The following NCOA2 variants were observed in gnomAD, a reference collection of about 807,000 sequenced individuals.
NCOA2 encodes class E basic helix-loop-helix protein 75.
In NCOA2, 21 loss-of-function variants were observed where a neutral mutation model predicts 145.1. That is an observed-to-expected ratio of 0.14 (90% CI 0.10 to 0.21). The LOEUF is 0.21. NCOA2 is among the 10% of genes least tolerant of loss of function. The pLI is 1.00. For missense variants in NCOA2, 1,472 were observed against 1,837.6 expected (o/e 0.80, Z 3.64); for synonymous variants, 619 against 637.5 (o/e 0.97, Z 0.44).
the NCOA2 span, among the ~76,000 whole-genome samples, chr8:70,428,077 G>GA: frequency 6.6e-5 from 10 of 151,596 alleles, no homozygotes; most frequent in East Asian, 7.7e-4. Context: ...TACAAATAAG[G>GA]AAAAAAAATT....
intron 1 of NCOA2, among the ~76,000 whole-genome samples, chr8:70,361,944 T>C (rs1248266332): frequency 6.6e-6 from 1 of 152,200 alleles, no homozygotes; most frequent in South Asian, 2.1e-4. Flanking sequence ...CAGGAACATA[T>C]CTAGTTTTGA....
intron 1 of NCOA2, among the ~76,000 whole-genome samples, chr8:70,334,899 G>A (rs746024736): frequency 5.0e-4 from 76 of 151,912 alleles, no homozygotes; most frequent in Non-Finnish European, 8.5e-4. Flanking sequence ...CCGAGGTGGC[G>A]GATCACCTGA....
intron 1 of NCOA2, among the ~76,000 whole-genome samples, chr8:70,313,118 A>T (rs1400741541): frequency 2.6e-5 from 4 of 152,252 alleles, no homozygotes; most frequent in African/African-American, 7.2e-5. Flanking sequence ...CACTGAGCCC[A>T]TTAACCTACT....
intron 1 of NCOA2, among the ~76,000 whole-genome samples, chr8:70,300,895 A>T (rs1048664566): frequency 2.6e-5 from 4 of 152,162 alleles, no homozygotes; most frequent in African/African-American, 4.8e-5. Context: ...TACCTAATTT[A>T]ACCTTCATAA....
intron 13 of NCOA2, 38 bp from the exon 14 acceptor site, chr8:70,141,437 C>G (rs571750006): frequency 5.1e-6 from 8 of 1,556,626 alleles, no homozygotes; most frequent in Non-Finnish European, 7.1e-6. Flanking sequence ...GATGCAGTAA[C>G]TGAAAACATA....
At chr8:70,148,181 C>A (rs1230189751) in intron 12 of NCOA2, 92 bp downstream of exon 12, 3 of 1,291,250 alleles carry the variant, frequency 2.3e-6, no homozygotes, top group Non-Finnish European at 2.2e-6. Flanking sequence ...CTTAAAGTGA[C>A]TAAGCTGGTT....
At chr8:70,380,388 C>T (rs1364670278) in intron 1 of NCOA2, among the ~76,000 whole-genome samples, 1 of 152,150 alleles carries the variant, frequency 6.6e-6, no homozygotes, top group East Asian at 1.9e-4. Flanking sequence ...CAGTGCCACA[C>T]TCACTCACTC....
At chr8:70,207,862 C>CAA (rs754670876) in intron 4 of NCOA2, among the ~76,000 whole-genome samples, 1,003 of 35,538 alleles carry the variant, frequency 0.028, 35 homozygotes, top group Non-Finnish European at 0.034. Context: ...GACTCCACCT[C>CAA]AAAAAAAAAA....
rs1814101552 is a variant in NCOA2 at position 70,170,268 on chromosome 8, C to T, written c.475G>A (p.Val159Ile). ...TCCCCAACATGCAAGATGCTATATA[C>T]ACTTTTGTTCATCAGCTCTTCTTGG... ...YNQEELMNKS[V>I]YSILHVGDHT... The change falls in exon 6 of 23, where the codon GTA (valine) becomes ATA (isoleucine). Residue 159 changes from valine (V) to isoleucine (I), a missense_variant. Around this residue, in one of 4 missense-constraint regions of NCOA2, gnomAD observed 284 missense variants for 467.8 expected, o/e 0.61. Coordinates refer to ENST00000452400, the MANE Select transcript of NCOA2 (RefSeq NM_006540.4). 8 of 1,613,016 alleles carry T rather than the reference C, an allele frequency of 5.0e-6. No individual in the cohort carries two copies. Among genetic ancestry groups the T allele is most frequent in the Admixed American group, 1.7e-5 (1 of 59,880 alleles).
chr8:70,360,011 A>T (rs1810064027), intron 1 of NCOA2, among the ~76,000 whole-genome samples: 1 of 152,216 alleles, frequency 6.6e-6, no homozygotes, highest in South Asian at 2.1e-4. Context: ...CTTAGGAAAG[A>T]GAAACAGATA....
At chr8:70,275,051 A>G (rs545563644) in intron 2 of NCOA2, among the ~76,000 whole-genome samples, 2 of 152,296 alleles carry the variant, frequency 1.3e-5, no homozygotes, top group South Asian at 4.1e-4. Context: ...ACTCATATAT[A>G]CCTAATCAAA....
intron 11 of NCOA2, among the ~76,000 whole-genome samples, chr8:70,150,843 T>C (rs1811663467): frequency 6.6e-6 from 1 of 152,206 alleles, no homozygotes; most frequent in African/African-American, 2.4e-5. Context: ...TAAAAAATCT[T>C]CCCCAAATCA....
rs371386462 is a variant in NCOA2, at chr8:70,113,554, T to C, written c.*78A>G. ...GGCAGGTCAGTTGGGTTGAAACAAATAGACACAGCTCTCCAGACTGGAAGT... is the reference window on the plus strand; with the variant it reads ...GGCAGGTCAGTTGGGTTGAAACAAACAGACACAGCTCTCCAGACTGGAAGT... On this transcript the variant is annotated 3_prime_UTR_variant, in exon 23 of 23. Transcript: ENST00000452400. 131 of 1,500,938 alleles carry C rather than the reference T, an allele frequency of 8.7e-5. No individual in the cohort carries two copies. In the African/African-American group the frequency reaches 1.4e-3, roughly 16 times the overall value. 93.0% of individuals were successfully genotyped at this position (1,500,938 alleles called of 1,614,324 possible).
chr8:70,192,979 A>G (rs1288204902), intron 4 of NCOA2, among the ~76,000 whole-genome samples: 1 of 148,696 alleles, frequency 6.7e-6, no homozygotes, highest in Non-Finnish European at 1.5e-5. Flanking sequence ...AGGCAGGAGA[A>G]TTGCTTGAAC....
chr8:70,383,659 C>T lies in NCOA2; in HGVS notation c.-77+20041G>A, dbSNP rs548543715. Among the ~76,000 whole-genome samples, 127 of 152,238 alleles carry T rather than the reference C, an allele frequency of 8.3e-4. 1 individual carries two copies. Among genetic ancestry groups the T allele is most frequent in the African/African-American group, 3.0e-3 (123 of 41,536 alleles). The stretch of plus-strand genomic sequence containing the variant: ...TAGCTGGGATTACAGGCATACACCA[C>T]CACACCTGGCTAATTTTGTATTTTT... On this transcript the variant is annotated intron_variant, in intron 1 of 22. Transcript: ENST00000452400.
the NCOA2 span, among the ~76,000 whole-genome samples, chr8:70,410,337 T>C: frequency 6.6e-6 from 1 of 152,202 alleles, no homozygotes; most frequent in Non-Finnish European, 1.5e-5. Context: ...AAGTTAAGTA[T>C]ACACAATTCT....
intron 2 of NCOA2, among the ~76,000 whole-genome samples, chr8:70,276,044 CT>C (rs1248244081): frequency 6.6e-6 from 1 of 152,074 alleles, no homozygotes; most frequent in Non-Finnish European, 1.5e-5. Context: ...GAATGATTCC[CT>C]AATTATCAGA....
intron 1 of NCOA2, among the ~76,000 whole-genome samples, chr8:70,388,681 C>T (rs1246526379): frequency 6.6e-6 from 1 of 151,850 alleles, no homozygotes; most frequent in Non-Finnish European, 1.5e-5. Flanking sequence ...ACAAACAAAC[C>T]TGGTTATCTG....
the NCOA2 span, among the ~76,000 whole-genome samples, chr8:70,423,700 G>C: frequency 6.6e-6 from 1 of 152,166 alleles, no homozygotes; most frequent in Admixed American, 6.5e-5. Flanking sequence ...CACCCAGTGA[G>C]GGAATCACTA....
Sources: gnomAD v4.1 joint callset for allele counts (sites outside exome capture counted in the v4.1 genomes callset) on GRCh38, gnomAD v4.1.1 for gene constraint, gnomAD v4.1.1 regional missense constraint, MANE v1.5 for transcripts, NCBI Gene and HGNC (gene_info 2026-07-23, HGNC 2026-07-21) for gene names.